ZNF780A: variants seen among roughly 807,000 people sequenced by gnomAD.
The protein encoded by ZNF780A is zinc finger protein 780A.
ZNF780A carries 40 observed loss-of-function variants against 56.7 expected under a neutral mutation model. The ratio of observed to expected loss-of-function variants is 0.71; its 90% CI spans 0.55 to 0.92. The LOEUF is 0.92. Among genes scored for constraint, ZNF780A ranks in the 40% least tolerant of loss-of-function variants. The pLI is 0.00. For synonymous variants in ZNF780A, 231 were observed against 248.3 expected, an observed-to-expected ratio of 0.93 and a Z score of 0.66; for missense variants, 672 against 783.3, an observed-to-expected ratio of 0.86 and a Z score of 1.70.
chr19:40,073,223 C>T lies in ZNF780A; in HGVS notation c.*1293G>A. On this transcript the variant is annotated 3_prime_UTR_variant, in exon 6 of 6. Transcript: ENST00000683561. Reference sequence around the variant, plus strand: ...TTGGGGTATATGATTGTATATTTGACTATTCTTTCAAAACCCACAACAAGT... The same window carrying T: ...TTGGGGTATATGATTGTATATTTGATTATTCTTTCAAAACCCACAACAAGT... 6.9e-6 allele frequency: 4 copies of T among 580,216 alleles called. No homozygotes were observed. Among genetic ancestry groups the T allele is most frequent in the Non-Finnish European group, 9.6e-6 (4 of 417,382 alleles). 35.9% of individuals were successfully genotyped at this position (580,216 alleles called of 1,614,324 possible).
chr19:40,083,356 T>C, intron 3 of ZNF780A, 119 bp from the exon 4 acceptor site: 2 of 1,454,992 alleles, frequency 1.4e-6, no homozygotes, highest in South Asian at 1.4e-5. Flanking sequence ...ACAGAGTGCC[T>C]GCACATTCTT....
chr19:40,084,678 AAAT>A (rs1974681312), intron 3 of ZNF780A, 64 bp downstream of exon 3: 22 of 1,488,482 alleles, frequency 1.5e-5, no homozygotes, highest in Middle Eastern at 1.7e-4. Flanking sequence ...GCTTCAGGTT[AAAT>A]AATAACAGTC....
At chr19:40,085,855 G>A (rs1226332966) in intron 2 of ZNF780A, among the ~76,000 whole-genome samples, 2 of 151,928 alleles carry the variant, frequency 1.3e-5, no homozygotes, top group African/African-American at 4.8e-5. Flanking sequence ...ACTCCAGCCT[G>A]GCAACAGAGC....
chr19:40,083,270 C>A (rs1974589216), intron 3 of ZNF780A, 33 bp from the exon 4 acceptor site: 1 of 1,609,806 alleles, frequency 6.2e-7, no homozygotes, highest in East Asian at 2.2e-5. Flanking sequence ...AATGGTGAAA[C>A]TGAAGAAAGT....
intron 5 of ZNF780A, 139 bp from the exon 6 acceptor site, chr19:40,076,348 TAGATAGAACC>T: frequency 3.6e-6 from 3 of 841,264 alleles, no homozygotes; most frequent in Non-Finnish European, 5.2e-6. Context: ...ACAAAGTTGG[TAGATAGAACC>T]TTTCTCATAT....
chr19:40,085,498 A>G (rs773443638), intron 2 of ZNF780A: 11 of 308,262 alleles, frequency 3.6e-5, no homozygotes, highest in Non-Finnish European at 5.2e-5. Context: ...AAAGACTAAC[A>G]GACATTAATA....
Position 40,081,923 on chromosome 19 carries a change from A to G in ZNF780A, c.137-9T>C, listed in dbSNP as rs1410206793. On this transcript the variant is annotated splice_polypyrimidine_tract_variant and intron_variant, in intron 4 of 5. Coordinates refer to ENST00000683561, the MANE Select transcript of ZNF780A (RefSeq NM_001142578.2). ...TTTAGAAATGGAACTTCCTGCTTAA[A>G]AGAAACGACACATGTAGAATTTTTT... 1 of 1,593,934 alleles carries G rather than the reference A, an allele frequency of 6.3e-7. No homozygotes were observed. The highest frequency in any genetic ancestry group is 8.5e-7 in the Non-Finnish European group (1 of 1,171,692).
intron 5 of ZNF780A, among the ~76,000 whole-genome samples, chr19:40,077,547 C>T (rs1337324086): frequency 6.6e-6 from 1 of 152,198 alleles, no homozygotes; most frequent in Admixed American, 6.5e-5. Flanking sequence ...CCAATTACCT[C>T]CCACCAGGCC....
At position 40,075,814 on chromosome 19, in the gene ZNF780A, G is replaced by C; in HGVS notation, c.628C>G (p.Arg210Gly). Reference protein sequence around the residue: ...KAFRLHIQFTRHQKFHTGEKP... With the variant: ...KAFRLHIQFTGHQKFHTGEKP... ...TCACCAGTATGAAATTTCTGATGTC[G>C]AGTAAATTGTATGTGAAGTCGAAAG... The change falls in exon 6 of 6, where the codon CGA (arginine) becomes GGA (glycine). Residue 210 changes from arginine (R) to glycine (G), a missense_variant. Coordinates refer to ENST00000683561, the MANE Select transcript of ZNF780A (RefSeq NM_001142578.2). 1 of 1,613,810 alleles carries C rather than the reference G, an allele frequency of 6.2e-7. No individual in the cohort carries two copies. The highest frequency in any genetic ancestry group is 1.3e-5 in the African/African-American group (1 of 74,956).
chr19:40,076,104 A>G lies in ZNF780A; in HGVS notation c.338T>C (p.Ile113Thr). Reference sequence around the variant, plus strand: ...GTCATTTCTAAAATAAAAGGCCTCAATGCCAAGAGTTGTACTTATTTGCTT... The same window carrying G: ...GTCATTTCTAAAATAAAAGGCCTCAGTGCCAAGAGTTGTACTTATTTGCTT... ...VIKQISTTLG[I>T]EAFYFRNDSE... Residue 113 changes from isoleucine (I) to threonine (T), a missense_variant, in exon 6 of 6, where the codon ATT (isoleucine) becomes ACT (threonine). By Grantham distance (89) the Ile-to-Thr change is moderately conservative. Coordinates refer to ENST00000683561, the MANE Select transcript of ZNF780A (RefSeq NM_001142578.2). 1.2e-6 allele frequency: 2 copies of G among 1,613,820 alleles called. No individual in the cohort carries two copies.
chr19:40,084,836 CTG>C, intron 2 of ZNF780A, 38 bp from the exon 3 acceptor site: 6 of 1,545,506 alleles, frequency 3.9e-6, no homozygotes, highest in Non-Finnish European at 4.4e-6. Context: ...ACAATTAAAG[CTG>C]TGTCTCAAAA....
In ZNF780A at chr19:40,074,991, C is replaced by T. The variant is rs1382536236; in HGVS notation, c.1451G>A (p.Arg484His). 1.5e-5 allele frequency: 24 copies of T among 1,614,122 alleles called. No homozygotes were observed. The highest frequency in any genetic ancestry group is 4.5e-5 in the East Asian group (2 of 44,862). ...ECQDCGKAFN[R>H]GSSLVQHQSI... is the part of the protein sequence containing the mutation. Reference sequence around the variant, plus strand: ...CTGATGTTGAACAAGGCTTGAGCCACGATTGAAGGCCTTCCCACAGTCTTG... The same window carrying T: ...CTGATGTTGAACAAGGCTTGAGCCATGATTGAAGGCCTTCCCACAGTCTTG... Residue 484 changes from arginine (R) to histidine (H), a missense_variant, in exon 6 of 6, where the codon CGT becomes CAT. By Grantham distance (29) the Arg-to-His change is conservative. Coordinates refer to ENST00000683561, the MANE Select transcript of ZNF780A (RefSeq NM_001142578.2).
At chr19:40,069,603 T>C (rs1209155585), downstream of ZNF780A, 2 of 152,130 alleles carry the variant, frequency 1.3e-5, no homozygotes, top group Non-Finnish European at 2.9e-5. Context: ...TCTATAATAG[T>C]TCATTGGAAC....
At chr19:40,078,573 C>G (rs767650907) in intron 5 of ZNF780A, among the ~76,000 whole-genome samples, 3 of 152,164 alleles carry the variant, frequency 2.0e-5, no homozygotes, top group African/African-American at 4.8e-5. Context: ...TACAAGGGAA[C>G]TCTCATTAGC....
In ZNF780A at chr19:40,073,941, TCAC is replaced by T. The variant is rs1973932498; in HGVS notation, c.*572_*574del. On this transcript the variant is annotated 3_prime_UTR_variant, in exon 6 of 6. Transcript: ENST00000683561. ...CATATTCCTTACATTATAGCGTTTC[TCAC>T]CAGTATGAATTTTAACATGTTGAAC... 9.6e-7 allele frequency: 1 copy of T among 1,038,874 alleles called. No homozygotes were observed. The allele number at this position is 1,038,874 out of a possible 1,614,324, so 64.4% of individuals were successfully genotyped here.
At position 40,086,291 on chromosome 19, in the gene ZNF780A, T is replaced by C. The variant is rs577171768; in HGVS notation, c.-45-1493A>G. The stretch of plus-strand genomic sequence containing the variant: ...GTCTACAAGTCCCCAACCAATGTCT[T>C]GTATGCATTAATGATAGTCTATTTC... On this transcript the variant is annotated intron_variant, in intron 2 of 5. Transcript: ENST00000683561. Among the ~76,000 whole-genome samples, 3 of 152,232 alleles carry C rather than the reference T, an allele frequency of 2.0e-5. No homozygotes were observed. In the South Asian group the frequency reaches 6.2e-4, roughly 32 times the overall value.
At position 40,075,483 on chromosome 19, in the gene ZNF780A, A is replaced by C; in HGVS notation, c.959T>G (p.Leu320Arg). 6.2e-7 allele frequency: 1 copy of C among 1,613,692 alleles called. No homozygotes were observed. Residue 320 changes from leucine (L) to arginine (R), a missense_variant, in exon 6 of 6, where the codon CTT (leucine) becomes CGT (arginine). Transcript: ENST00000683561. ...AGTATGAATTTGGCAATGTTCAATAAGTTGGTAATGATATCGAAAGGCCAT... is the reference window on the plus strand; with the variant it reads ...AGTATGAATTTGGCAATGTTCAATACGTTGGTAATGATATCGAAAGGCCAT... ...CGMAFRYHYQ[L>R]IEHCQIHTGE...
intron 3 of ZNF780A, 40 bp downstream of exon 3, chr19:40,084,705 G>T: frequency 6.5e-7 from 1 of 1,540,772 alleles, no homozygotes; most frequent in South Asian, 1.2e-5. Context: ...TAACCTGAAA[G>T]TCACCATATT....
In ZNF780A at chr19:40,073,484, T is replaced by A. The variant is rs932418889; in HGVS notation, c.*1032A>T. On this transcript the variant is annotated 3_prime_UTR_variant, in exon 6 of 6. Transcript: ENST00000683561. ...CACAGGGTTGCCACAAACCTTCAGT[T>A]TGTATAAAACACAATAACTGCAATG... 1.0e-6 allele frequency: 1 copy of A among 982,412 alleles called. No homozygotes were observed. Among genetic ancestry groups the A allele is most frequent in the East Asian group, 1.1e-4 (1 of 8,808 alleles). 60.9% of individuals were successfully genotyped at this position (982,412 alleles called of 1,614,324 possible).
Sources: gnomAD v4.1 joint callset for allele counts (sites outside exome capture counted in the v4.1 genomes callset) on GRCh38, gnomAD v4.1.1 for gene constraint, MANE v1.5 for transcripts, NCBI Gene and HGNC (gene_info 2026-07-23, HGNC 2026-07-21) for gene names.